The following AZIN2 variants were observed in gnomAD, a reference collection of about 807,000 sequenced individuals.
AZIN2 encodes the protein ODC antizyme inhibitor-2.
A neutral mutation model predicts 47.8 loss-of-function variants in AZIN2; 28 were observed. That is an observed-to-expected ratio of 0.59 (90% CI 0.43 to 0.80). AZIN2 has a LOEUF of 0.80. Among genes scored for constraint, AZIN2 ranks in the 30% least tolerant of loss-of-function variants. AZIN2 has a pLI of 0.00. For missense variants in AZIN2, 535 were observed against 582.5 expected (o/e 0.92, Z 0.84); for synonymous variants, 221 against 239.4 (o/e 0.92, Z 0.71).
the AZIN2 span, among the ~76,000 whole-genome samples, chr1:33,134,762 C>T: frequency 3.3e-5 from 5 of 152,226 alleles, no homozygotes; most frequent in African/African-American, 4.8e-5. Flanking sequence ...TGCGCCTGCC[C>T]TCTCTGGGAC....
At chr1:33,159,728 G>C in the AZIN2 span, 1 of 1,611,946 alleles carries the variant, frequency 6.2e-7, no homozygotes. The surrounding 1 kb of genome is among the most constrained non-coding windows in gnomAD (Gnocchi z 4.2). Context: ...AAGGTGTGCC[G>C]GTCGGTTTCA....
chr1:33,154,537 C>T, the AZIN2 span, among the ~76,000 whole-genome samples: 5 of 152,190 alleles, frequency 3.3e-5, no homozygotes, highest in South Asian at 4.1e-4. Context: ...CGGTGGCTCA[C>T]GCCTGTAATC....
the AZIN2 span, among the ~76,000 whole-genome samples, chr1:33,133,232 G>A: frequency 6.6e-6 from 1 of 152,244 alleles, no homozygotes; most frequent in African/African-American, 2.4e-5. Context: ...AGGCTGTGAG[G>A]CCAAAGACAG....
At chr1:33,094,526 G>T in intron 7 of AZIN2, 22 bp from the exon 8 acceptor site, 1 of 1,600,944 alleles carries the variant, frequency 6.2e-7, no homozygotes, top group Non-Finnish European at 8.5e-7. Flanking sequence ...CATGTCAGCC[G>T]AGGCTCTTCC....
At chr1:33,091,678 GA>G (rs1310261737) in intron 5 of AZIN2, among the ~76,000 whole-genome samples, 3 of 152,162 alleles carry the variant, frequency 2.0e-5, no homozygotes, top group Non-Finnish European at 4.4e-5. Flanking sequence ...GTGTAAATTA[GA>G]AAATGTACCC....
At chr1:33,165,952 G>A in the AZIN2 span, 7 of 160,030 alleles carry the variant, frequency 4.4e-5, no homozygotes, top group East Asian at 5.3e-4. The surrounding 1 kb of genome is among the most constrained non-coding windows in gnomAD (Gnocchi z 4.0). Flanking sequence ...GAACCTGGAC[G>A]CACAGCAGGA....
chr1:33,165,176 C>T, the AZIN2 span: 56 of 295,942 alleles, frequency 1.9e-4, no homozygotes, highest in African/African-American at 1.1e-3. The surrounding 1 kb of genome is among the most constrained non-coding windows in gnomAD (Gnocchi z 4.0). Flanking sequence ...CGGAGGGTCC[C>T]GGGACCCGCC....
At chr1:33,136,222 CCTTT>C in the AZIN2 span, among the ~76,000 whole-genome samples, 2 of 149,998 alleles carry the variant, frequency 1.3e-5, no homozygotes, top group African/African-American at 2.4e-5. Context: ...TTCCTTCCCT[CCTTT>C]CTTTCTCTTT....
Position 33,098,058 on chromosome 1 carries a change from C to T in AZIN2, c.917-9C>T, listed in dbSNP as rs548797915. ...ACTTGTGCTGCCTCTGAACCCTCCC[C>T]TCCTGCAGAGGAAAATGGTTCCACC... is the stretch of plus-strand genomic sequence containing the variant. On this transcript the variant is annotated splice_polypyrimidine_tract_variant and intron_variant, in intron 9 of 11. Transcript: ENST00000294517. 7 of 1,610,084 alleles carry T rather than the reference C, an allele frequency of 4.3e-6. No homozygotes were observed. In the South Asian group the frequency reaches 6.6e-5, roughly 15 times the overall value.
At chr1:33,141,224 C>A in the AZIN2 span, among the ~76,000 whole-genome samples, 1 of 151,870 alleles carries the variant, frequency 6.6e-6, no homozygotes, top group Non-Finnish European at 1.5e-5. Flanking sequence ...CTCTTGTACC[C>A]CCGCAGACCT....
chr1:33,130,680 TA>T, the AZIN2 span, among the ~76,000 whole-genome samples: 1 of 152,184 alleles, frequency 6.6e-6, no homozygotes, highest in Admixed American at 6.5e-5. Context: ...GAAAGGGAGA[TA>T]AGTAATATTC....
intron 10 of AZIN2, among the ~76,000 whole-genome samples, chr1:33,109,621 G>A (rs1421123332): frequency 2.0e-5 from 3 of 152,118 alleles, no homozygotes; most frequent in Middle Eastern, 3.4e-3. Context: ...GAGTCACCAC[G>A]CCTGGTGAAT....
the AZIN2 span, chr1:33,147,552 G>A: frequency 6.2e-7 from 1 of 1,614,076 alleles, no homozygotes; most frequent in East Asian, 2.2e-5. The surrounding 1 kb of genome is among the most constrained non-coding windows in gnomAD (Gnocchi z 8.1). Context: ...CCTCCCAGTA[G>A]TGGACGCCAC....
chr1:33,119,506 C>T (rs1249579405), intron 11 of AZIN2: 1 of 164,966 alleles, frequency 6.1e-6, no homozygotes, highest in Non-Finnish European at 1.3e-5. Context: ...CTGTTTACAA[C>T]TCTGATAGTG....
At chr1:33,126,972 C>T (rs559817980), downstream of AZIN2, among the ~76,000 whole-genome samples, 14 of 152,332 alleles carry the variant, frequency 9.2e-5, no homozygotes, top group African/African-American at 3.4e-4. Context: ...TCCCTGTACG[C>T]TGCATGTCCC....
intron 10 of AZIN2, among the ~76,000 whole-genome samples, chr1:33,115,283 G>A (rs1257695445): frequency 6.6e-6 from 1 of 152,164 alleles, no homozygotes; most frequent in Non-Finnish European, 1.5e-5. Context: ...GGGCCTAGTG[G>A]CTGGCAGACT....
chr1:33,118,764 G>C (rs1644682131), intron 11 of AZIN2: 1 of 151,466 alleles, frequency 6.6e-6, no homozygotes, highest in African/African-American at 2.5e-5. Flanking sequence ...TTTCCATCTA[G>C]AAAATAAGCG....
the AZIN2 span, chr1:33,158,430 GC>G: frequency 7.1e-7 from 1 of 1,408,552 alleles, no homozygotes; most frequent in Non-Finnish European, 1.0e-6. Flanking sequence ...AATGCCAGGG[GC>G]CCCGCAGCCA....
Position 33,120,504 on chromosome 1 carries a change from A to C in AZIN2, c.*322A>C. On this transcript the variant is annotated 3_prime_UTR_variant, in exon 12 of 12. Transcript: ENST00000294517. Reference sequence around the variant, plus strand: ...ACCTTTGTAAATATAATGCAAATAAATAAATATTTAGGTTTTTAAAAACTG... The same window carrying C: ...ACCTTTGTAAATATAATGCAAATAACTAAATATTTAGGTTTTTAAAAACTG... 3.8e-6 allele frequency: 1 copy of C among 265,702 alleles called. No individual in the cohort carries two copies. The highest frequency in any genetic ancestry group is 7.2e-6 in the Non-Finnish European group (1 of 139,534). 16.5% of individuals were successfully genotyped at this position (265,702 alleles called of 1,614,324 possible).
Sources: gnomAD v4.1 joint callset for allele counts (sites outside exome capture counted in the v4.1 genomes callset) on GRCh38, gnomAD v4.1.1 for gene constraint, Gnocchi (gnomAD v3.1) non-coding constraint, MANE v1.5 for transcripts, NCBI Gene and HGNC (gene_info 2026-07-23, HGNC 2026-07-21) for gene names.